IKBKB: variants seen among roughly 807,000 people sequenced by gnomAD.
The protein encoded by IKBKB is inhibitor of nuclear factor kappa-B kinase subunit beta.
A neutral mutation model predicts 113.6 loss-of-function variants in IKBKB; 42 were observed. The observed-to-expected ratio is 0.37, with a 90% CI of 0.29 to 0.48. The LOEUF is 0.48. Ranked by LOEUF, IKBKB falls within the 20% of genes least tolerant of loss-of-function variation. The probability of loss-of-function intolerance (pLI) is 0.99; values close to 1 mark genes in which losing one functional copy is unlikely to be tolerated. For synonymous variants in IKBKB, 296 were observed against 361.3 expected (o/e 0.82, Z 2.05); for missense variants, 673 against 939.7 (o/e 0.72, Z 3.71).
At chr8:42,275,418 C>T (rs1457458940) in intron 2 of IKBKB, among the ~76,000 whole-genome samples, 1 of 152,132 alleles carries the variant, frequency 6.6e-6, no homozygotes, top group Non-Finnish European at 1.5e-5. Context: ...TTCCTGGACA[C>T]AAGTGATCCT....
chr8:42,314,360 T>C lies in IKBKB; in HGVS notation c.731T>C (p.Val244Ala), dbSNP rs745480677. The change falls in exon 9 of 22, where the codon GTT becomes GCT. Residue 244 changes from valine to alanine, a missense_variant. By Grantham distance (64) the Val-to-Ala change is moderately conservative. Transcript: ENST00000520810. ...CGGCAGAAGAGTGAGGTGGACATTGTTGTTAGCGAAGACTTGAATGGAACG... is the reference window on the plus strand; with the variant it reads ...CGGCAGAAGAGTGAGGTGGACATTGCTGTTAGCGAAGACTTGAATGGAACG... ...KVRQKSEVDI[V>A]VSEDLNGTVK... is the part of the protein sequence containing the mutation. 1 of 1,614,152 alleles carries C rather than the reference T, an allele frequency of 6.2e-7. No homozygotes were observed. The highest frequency in any genetic ancestry group is 2.2e-5 in the East Asian group (1 of 44,896).
At chr8:42,301,831 A>C (rs948651269) in intron 5 of IKBKB, among the ~76,000 whole-genome samples, 1 of 152,134 alleles carries the variant, frequency 6.6e-6, no homozygotes, top group African/African-American at 2.4e-5. Context: ...CCTCCTCTTC[A>C]CTGGGGGGTT....
intron 8 of IKBKB, 147 bp from the exon 9 acceptor site, chr8:42,314,175 C>T (rs551495994): frequency 1.3e-4 from 91 of 674,314 alleles, no homozygotes; most frequent in Admixed American, 3.2e-4. Context: ...ATAGGGTGTA[C>T]GATACAGCCT....
chr8:42,300,948 G>A (rs982815688), intron 5 of IKBKB, among the ~76,000 whole-genome samples: 1 of 152,166 alleles, frequency 6.6e-6, no homozygotes, highest in Non-Finnish European at 1.5e-5. Context: ...TTGAATTCCT[G>A]GGCTCAAGTG....
intron 4 of IKBKB, among the ~76,000 whole-genome samples, chr8:42,291,220 T>C (rs1812562192): frequency 6.6e-6 from 1 of 152,194 alleles, no homozygotes; most frequent in Non-Finnish European, 1.5e-5. Flanking sequence ...CTCGCTGTAT[T>C]GCCCAGGCTG....
intron 1 of IKBKB, chr8:42,271,710 A>G (rs1585482402): frequency 3.9e-6 from 2 of 509,054 alleles, no homozygotes; most frequent in Non-Finnish European, 3.4e-6. Context: ...GTAAAGAAAC[A>G]CGTGACCTCG....
At chr8:42,288,498 G>T in intron 2 of IKBKB, 136 bp from the exon 3 acceptor site, 2 of 601,268 alleles carry the variant, frequency 3.3e-6, no homozygotes, top group South Asian at 1.8e-5. Flanking sequence ...GTCGATCAGG[G>T]TGTACATGTG....
chr8:42,298,991 C>T (rs954091739), intron 5 of IKBKB, among the ~76,000 whole-genome samples: 5 of 152,172 alleles, frequency 3.3e-5, no homozygotes, highest in East Asian at 1.9e-4. Context: ...TTTCCCTGGC[C>T]GTTCTTGTGG....
At chr8:42,300,287 C>T (rs1282636994) in intron 5 of IKBKB, among the ~76,000 whole-genome samples, 1 of 152,126 alleles carries the variant, frequency 6.6e-6, no homozygotes, top group Non-Finnish European at 1.5e-5. Flanking sequence ...ACTGAGGGAA[C>T]GGACATCCTG....
At chr8:42,312,325 G>C (rs746519631) in intron 8 of IKBKB, among the ~76,000 whole-genome samples, 1 of 152,200 alleles carries the variant, frequency 6.6e-6, no homozygotes, top group Non-Finnish European at 1.5e-5. Context: ...TAATGGCCCA[G>C]CGTCTTCATA....
chr8:42,317,080 A>C, intron 11 of IKBKB, 176 bp downstream of exon 11: 1 of 690,562 alleles, frequency 1.4e-6, no homozygotes, highest in Non-Finnish European at 2.6e-6. Context: ...CTGATAGGAA[A>C]CACAAATCTC....
chr8:42,278,943 G>A (rs1408441895), intron 2 of IKBKB, among the ~76,000 whole-genome samples: 3 of 152,080 alleles, frequency 2.0e-5, no homozygotes, highest in Non-Finnish European at 2.9e-5. Flanking sequence ...GCAGTGAGTC[G>A]AGATCGTGCT....
chr8:42,316,668 TGAAGAAATCG>T lies in IKBKB; in HGVS notation c.931-40_931-31del. On this transcript the variant is annotated intron_variant, in intron 10 of 21. Transcript: ENST00000520810. This position sits in a 1 kb window ranked among gnomAD's most constrained non-coding sequence, Gnocchi z 4.5. ...CTAGGCAAATAGATGGGCATTTCCT[TGAAGAAATCG>T]GTTTTCCAGTAACATCTGGGTTGTG... is the stretch of plus-strand genomic sequence containing the variant. The T allele has an allele frequency of 6.4e-7, 1 of 1,567,972 alleles. No homozygotes were observed. The highest frequency in any genetic ancestry group is 1.2e-5 in the South Asian group (1 of 85,152).
rs1482189003 is a variant in IKBKB, at chr8:42,290,391, C to T, written c.318+118C>T. On this transcript the variant is annotated intron_variant, in intron 4 of 21. Coordinates refer to ENST00000520810, the MANE Select transcript of IKBKB (RefSeq NM_001556.3). ...CAGGAAGCTTGGGGAGCCCCAGTGA[C>T]TCCAGCAGGGCTGCTTTGCCTCTCA... is the stretch of plus-strand genomic sequence containing the variant. 5.5e-6 allele frequency: 4 copies of T among 723,658 alleles called. No homozygotes were observed. In the East Asian group the frequency reaches 1.1e-4, roughly 19 times the overall value. 44.8% of individuals were successfully genotyped at this position (723,658 alleles called of 1,614,324 possible).
intron 5 of IKBKB, chr8:42,298,084 G>T (rs553296386): frequency 1.0e-6 from 1 of 985,374 alleles, no homozygotes; most frequent in Non-Finnish European, 1.2e-6. Context: ...GAAGTTATAT[G>T]TGAGTGGACT....
rs533626590 is a variant in IKBKB, at chr8:42,293,257, TCTCCTC to T, written c.319-172_319-167del. On this transcript the variant is annotated intron_variant, in intron 4 of 21. Transcript: ENST00000520810. ...GGGGTGGTCAGGACTGCTTCCTCTT[TCTCCTC>T]CTCCTCCTCCTCCGGCCAATCCCTG... Among the ~76,000 whole-genome samples the T allele has an allele frequency of 3.8e-4, 57 of 151,794 alleles. No homozygotes were observed. The South Asian group carries it at 0.012, about 31-fold the overall frequency.
Position 42,288,682 on chromosome 8 carries a change from C to G in IKBKB, c.154C>G (p.Pro52Ala), listed in dbSNP as rs774165537. 1 of 1,611,908 alleles carries G rather than the reference C, an allele frequency of 6.2e-7. No individual in the cohort carries two copies. Residue 52 changes from proline to alanine, a missense_variant, in exon 3 of 22, where the codon CCC (proline) becomes GCC (alanine). Physicochemically the swap from Pro to Ala is conservative, Grantham distance 27. This residue lies in a region of IKBKB where 167 missense variants were observed against 301.0 expected (regional missense o/e 0.55). Transcript: ENST00000520810. ...CAAGCAGTGCCGGCAGGAGCTCAGC[C>G]CCCGGAACCGAGAGCGGTGGTGCCT... Reference protein sequence around the residue: ...AIKQCRQELSPRNRERWCLEI... With the variant: ...AIKQCRQELSARNRERWCLEI...
intron 2 of IKBKB, among the ~76,000 whole-genome samples, chr8:42,281,195 G>A (rs1332575466): frequency 6.6e-6 from 1 of 152,190 alleles, no homozygotes; most frequent in Non-Finnish European, 1.5e-5. Context: ...TGGAGCTTTA[G>A]CAGGATCTGG....
At chr8:42,318,469 G>A in intron 12 of IKBKB, 83 bp from the exon 13 acceptor site, 1 of 1,484,360 alleles carries the variant, frequency 6.7e-7, no homozygotes, top group Non-Finnish European at 9.3e-7. Context: ...GAAAGTGCCA[G>A]TAGTGTCGAA....
Sources: gnomAD v4.1 joint callset for allele counts (sites outside exome capture counted in the v4.1 genomes callset) on GRCh38, gnomAD v4.1.1 for gene constraint, gnomAD v4.1.1 regional missense constraint, Gnocchi (gnomAD v3.1) non-coding constraint, MANE v1.5 for transcripts, NCBI Gene and HGNC (gene_info 2026-07-23, HGNC 2026-07-21) for gene names.